NCDN: variants seen among roughly 807,000 people sequenced by gnomAD.
The protein encoded by NCDN is neurochondrin.
NCDN carries 9 observed loss-of-function variants against 60.7 expected under a neutral mutation model. The ratio of observed to expected loss-of-function variants is 0.15; its 90% CI spans 0.09 to 0.26. NCDN has a LOEUF of 0.26. Ranked by LOEUF, NCDN falls within the 10% of genes least tolerant of loss-of-function variation. The pLI, the probability that NCDN is intolerant of heterozygous loss-of-function variation, is 1.00. For synonymous variants in NCDN, 409 were observed against 442.5 expected, an observed-to-expected ratio of 0.92 and a Z score of 0.95; for missense variants, 578 against 975.2, an observed-to-expected ratio of 0.59 and a Z score of 5.42.
At position 35,560,551 on chromosome 1, in the gene NCDN, A is replaced by T; in HGVS notation, c.400A>T (p.Ser134Cys). 1 of 1,613,750 alleles carries T rather than the reference A, an allele frequency of 6.2e-7. No homozygotes were observed. The highest frequency in any genetic ancestry group is 8.5e-7 in the Non-Finnish European group (1 of 1,180,034). The change falls in exon 3 of 7, where the codon AGC (serine) becomes TGC (cysteine). Residue 134 changes from serine to cysteine, a missense_variant. Coordinates refer to ENST00000373243, the MANE Select transcript of NCDN (RefSeq NM_014284.3). The surrounding 1 kb of genome is among the most constrained non-coding windows in gnomAD (Gnocchi z 7.6). ...AGTCCTGAACAAGATTCCCATTCTT[A>T]GCACCTTCCTCACAGCCCGGGGGGA... ...PQVLNKIPIL[S>C]TFLTARGDPD...
chr1:35,566,097 C>A lies in NCDN; in HGVS notation c.*434C>A, dbSNP rs908562204. 7.9e-5 allele frequency: 15 copies of A among 189,812 alleles called. No individual in the cohort carries two copies. Among genetic ancestry groups the A allele is most frequent in the Non-Finnish European group, 1.5e-4 (14 of 91,316 alleles). 11.8% of individuals were successfully genotyped at this position (189,812 alleles called of 1,614,324 possible). ...GGCTGTGGTGCCTCCTCTGGCCCCC[C>A]AGGTCCACGTCCTTTAAATTGGCCC... On this transcript the variant is annotated 3_prime_UTR_variant, in exon 7 of 7. Coordinates refer to ENST00000373243, the MANE Select transcript of NCDN (RefSeq NM_014284.3). The surrounding 1 kb of genome is among the most constrained non-coding windows in gnomAD (Gnocchi z 5.3).
intron 6 of NCDN, among the ~76,000 whole-genome samples, chr1:35,564,765 C>T (rs1472143534): frequency 6.6e-6 from 1 of 152,174 alleles, no homozygotes; most frequent in Non-Finnish European, 1.5e-5. Context: ...AGGGTCACCC[C>T]TTGAACAGCC....
In NCDN at chr1:35,558,803, C is replaced by A; in HGVS notation, c.34-304C>A. The A allele has an allele frequency of 1.2e-6, 1 of 869,330 alleles. No homozygotes were observed. The highest frequency in any genetic ancestry group is 1.5e-6 in the Non-Finnish European group (1 of 645,204). The allele number at this position is 869,330 out of a possible 1,614,324, so 53.9% of individuals were successfully genotyped here. ...ACAGCTGAGCAGTGGGGCCAGCTCC[C>A]GCCCACCCCCAGGAGACTGGTGAGG... On this transcript the variant is annotated intron_variant, in intron 1 of 6. Coordinates refer to ENST00000373243, the MANE Select transcript of NCDN (RefSeq NM_014284.3). This position sits in a 1 kb window ranked among gnomAD's most constrained non-coding sequence, Gnocchi z 6.3.
chr1:35,559,063 T>TCCCCCCC, intron 1 of NCDN, 44 bp from the exon 2 acceptor site: 2 of 401,654 alleles, frequency 5.0e-6, no homozygotes, highest in Non-Finnish European at 8.0e-6. Flanking sequence ...CCCACCCCCG[T>TCCCCCCC]CCCTCCTCTG....
chr1:35,566,651 ACACAC>A lies in NCDN; in HGVS notation c.*989_*993del. The A allele has an allele frequency of 2.5e-6, 1 of 399,856 alleles. No homozygotes were observed. Among genetic ancestry groups the A allele is most frequent in the Non-Finnish European group, 5.0e-6 (1 of 198,486 alleles). The allele number at this position is 399,856 out of a possible 1,614,324, so 24.8% of individuals were successfully genotyped here. A position where few individuals can be genotyped will look rare whatever the true frequency, so the allele number is the denominator to read the frequency against. ...GGACCACACACACACACACACACAC[ACACAC>A]ACACACACACACACACACACACACT... is the stretch of plus-strand genomic sequence containing the variant. On this transcript the variant is annotated 3_prime_UTR_variant, in exon 7 of 7. Coordinates refer to ENST00000373243, the MANE Select transcript of NCDN (RefSeq NM_014284.3). This position sits in a 1 kb window ranked among gnomAD's most constrained non-coding sequence, Gnocchi z 5.3.
rs779835266 is a variant in NCDN, at chr1:35,563,843, C to CT, written c.1688dup (p.Leu564AlafsTer5). 4.3e-6 allele frequency: 7 copies of CT among 1,614,036 alleles called. No homozygotes were observed. The highest frequency in any genetic ancestry group is 5.9e-6 in the Non-Finnish European group (7 of 1,180,042). On this transcript the variant is annotated frameshift_variant, in exon 6 of 7. Transcript: ENST00000373243. LOFTEE classifies it high-confidence loss of function. This position sits in a 1 kb window ranked among gnomAD's most constrained non-coding sequence, Gnocchi z 6.6. The stretch of plus-strand genomic sequence containing the variant: ...AGCACTAGTGCAGCAACAGGGAAGG[C>CT]TGCTTCTGGCTGCTAATGTGGCCAC...
In NCDN at chr1:35,563,220, G is replaced by C; in HGVS notation, c.1404G>C (p.Trp468Cys). 6.2e-7 allele frequency: 1 copy of C among 1,613,388 alleles called. No homozygotes were observed. Among genetic ancestry groups the C allele is most frequent in the South Asian group, 1.1e-5 (1 of 91,066 alleles). ...GDALRLLLPG[W>C]CHLTVEDGPR... ...TCCCCAGGCTCCTCCTGCCTGGCTG[G>C]TGCCACCTGACCGTTGAAGATGGGC... Residue 468 changes from tryptophan (W) to cysteine (C), a missense_variant, in exon 5 of 7, where the codon TGG becomes TGC. Transcript: ENST00000373243. The surrounding 1 kb of genome is among the most constrained non-coding windows in gnomAD (Gnocchi z 6.6).
chr1:35,560,738 T>C lies in NCDN; in HGVS notation c.587T>C (p.Leu196Pro). 6.2e-7 allele frequency: 1 copy of C among 1,612,388 alleles called. No homozygotes were observed. Among genetic ancestry groups the C allele is most frequent in the African/African-American group, 1.3e-5 (1 of 75,046 alleles). The change falls in exon 3 of 7, where the codon CTG becomes CCG. Residue 196 changes from leucine to proline, a missense_variant. Transcript: ENST00000373243. The surrounding 1 kb of genome is among the most constrained non-coding windows in gnomAD (Gnocchi z 7.6). ...CACGGCTATGGCTTTGACCAGGCCCTGGCACTCCTGGTGGGGCTGCTGGCT... is the reference window on the plus strand; with the variant it reads ...CACGGCTATGGCTTTGACCAGGCCCCGGCACTCCTGGTGGGGCTGCTGGCT... Reference protein sequence around the residue: ...LGHGYGFDQALALLVGLLAAA... With the variant: ...LGHGYGFDQAPALLVGLLAAA...
At chr1:35,564,779 A>G (rs1648818540) in intron 6 of NCDN, among the ~76,000 whole-genome samples, 1 of 152,124 alleles carries the variant, frequency 6.6e-6, no homozygotes. Flanking sequence ...AACAGCCAGT[A>G]AGCAAAGCAG....
chr1:35,566,629 C>CCACACACACA lies in NCDN; in HGVS notation c.*1008_*1017dup, dbSNP rs56974171. 1.7e-3 allele frequency: 452 copies of CCACACACACA among 270,416 alleles called. 1 individual carries two copies. The highest frequency in any genetic ancestry group is 2.6e-3 in the African/African-American group (102 of 39,214). The allele number at this position is 270,416 out of a possible 1,614,324, so 16.8% of individuals were successfully genotyped here. ...TACCTTTCTTATAAACCCAGGGGGA[C>CCACACACACA]CACACACACACACACACACACACAC... On this transcript the variant is annotated 3_prime_UTR_variant, in exon 7 of 7. Transcript: ENST00000373243. The surrounding 1 kb of genome is among the most constrained non-coding windows in gnomAD (Gnocchi z 5.3).
At position 35,558,417 on chromosome 1, in the gene NCDN, T is replaced by G; in HGVS notation, c.33+194T>G. On this transcript the variant is annotated intron_variant, in intron 1 of 6. Coordinates refer to ENST00000373243, the MANE Select transcript of NCDN (RefSeq NM_014284.3). The surrounding 1 kb of genome is among the most constrained non-coding windows in gnomAD (Gnocchi z 6.3). The stretch of plus-strand genomic sequence containing the variant: ...GAGAAGAGGGAGCGCAAGGGGTTAA[T>G]TCTGCTGCTGCCGCCGCCGCTGCTG... 1 of 1,452,864 alleles carries G rather than the reference T, an allele frequency of 6.9e-7. No homozygotes were observed. The highest frequency in any genetic ancestry group is 9.0e-7 in the Non-Finnish European group (1 of 1,108,048). 90.0% of individuals were successfully genotyped at this position (1,452,864 alleles called of 1,614,324 possible). A position where few individuals can be genotyped will look rare whatever the true frequency, so the allele number is the denominator to read the frequency against.
At chr1:35,564,548 C>T (rs1219617172) in intron 6 of NCDN, among the ~76,000 whole-genome samples, 1 of 152,226 alleles carries the variant, frequency 6.6e-6, no homozygotes, top group Non-Finnish European at 1.5e-5. Flanking sequence ...CCGTACCTTC[C>T]ACTGCCTCTG....
At position 35,560,869 on chromosome 1, in the gene NCDN, C is replaced by T; in HGVS notation, c.718C>T (p.Leu240Phe). Residue 240 changes from leucine to phenylalanine, a missense_variant, in exon 3 of 7, where the codon CTC (leucine) becomes TTC (phenylalanine). By Grantham distance (22) the Leu-to-Phe change is conservative. Around this residue, in one of 3 missense-constraint regions of NCDN, gnomAD observed 363 missense variants for 583.6 expected, o/e 0.62. Coordinates refer to ENST00000373243, the MANE Select transcript of NCDN (RefSeq NM_014284.3). This position sits in a 1 kb window ranked among gnomAD's most constrained non-coding sequence, Gnocchi z 7.6. The part of the protein sequence containing the change: ...QKAEDASKFE[L>F]CQLLPLFLPP... The stretch of plus-strand genomic sequence containing the variant: ...AGCTGAGGATGCCAGCAAGTTTGAG[C>T]TCTGCCAGCTGCTGCCCCTCTTTTT... 1 of 1,614,200 alleles carries T rather than the reference C, an allele frequency of 6.2e-7. No individual in the cohort carries two copies. The highest frequency in any genetic ancestry group is 8.5e-7 in the Non-Finnish European group (1 of 1,180,022).
chr1:35,558,794 G>A lies in NCDN; in HGVS notation c.34-313G>A. 3.4e-6 allele frequency: 3 copies of A among 893,388 alleles called. No individual in the cohort carries two copies. Among genetic ancestry groups the A allele is most frequent in the Non-Finnish European group, 4.5e-6 (3 of 670,850 alleles). 55.3% of individuals were successfully genotyped at this position (893,388 alleles called of 1,614,324 possible). On this transcript the variant is annotated intron_variant, in intron 1 of 6. Coordinates refer to ENST00000373243, the MANE Select transcript of NCDN (RefSeq NM_014284.3). This position sits in a 1 kb window ranked among gnomAD's most constrained non-coding sequence, Gnocchi z 6.3. ...GCCAGGGGGACAGCTGAGCAGTGGG[G>A]CCAGCTCCCGCCCACCCCCAGGAGA...
At position 35,559,168 on chromosome 1, in the gene NCDN, G is replaced by A. The variant is rs761426994; in HGVS notation, c.95G>A (p.Arg32Gln). 2.5e-6 allele frequency: 4 copies of A among 1,613,814 alleles called. No homozygotes were observed. Among genetic ancestry groups the A allele is most frequent in the Non-Finnish European group, 2.5e-6 (3 of 1,179,966 alleles). The change falls in exon 2 of 7, where the codon CGA becomes CAA. Residue 32 changes from arginine to glutamine, a missense_variant. Around this residue, in one of 3 missense-constraint regions of NCDN, gnomAD observed 363 missense variants for 583.6 expected, o/e 0.62. Coordinates refer to ENST00000373243, the MANE Select transcript of NCDN (RefSeq NM_014284.3). ...CEPALNQAEGRNPTLERYLGA... is the reference protein window; with the variant it reads ...CEPALNQAEGQNPTLERYLGA... ...CCAGCTCTGAACCAGGCAGAGGGCCGAAACCCCACCCTGGAGCGCTACCTG... is the reference window on the plus strand; with the variant it reads ...CCAGCTCTGAACCAGGCAGAGGGCCAAAACCCCACCCTGGAGCGCTACCTG...
chr1:35,564,697 T>A (rs1486888955), intron 6 of NCDN, among the ~76,000 whole-genome samples: 4 of 152,220 alleles, frequency 2.6e-5, no homozygotes, highest in Non-Finnish European at 5.9e-5. Context: ...CAGTTCTGGC[T>A]CACCCTCAAA....
rs1264105071 is a variant in NCDN, at chr1:35,561,980, A to G, written c.1144-412A>G. Among the ~76,000 whole-genome samples, 1 of 152,244 alleles carries G rather than the reference A, an allele frequency of 6.6e-6. No individual in the cohort carries two copies. The highest frequency in any genetic ancestry group is 1.9e-4 in the East Asian group (1 of 5,200). On this transcript the variant is annotated intron_variant, in intron 3 of 6. Coordinates refer to ENST00000373243, the MANE Select transcript of NCDN (RefSeq NM_014284.3). The surrounding 1 kb of genome is among the most constrained non-coding windows in gnomAD (Gnocchi z 4.9). ...CCACCATTGGGAGCAGTTACACAGT[A>G]GCCAGGAACCTGCCCTCCCACCCCA...
In NCDN at chr1:35,558,272, C is replaced by G. The variant is rs745741539; in HGVS notation, c.33+49C>G. ...TCCCCTTCTCATCTCCCCATCTCAG[C>G]AGCCCTGCTTCGATTATCCGGCTTT... On this transcript the variant is annotated intron_variant, in intron 1 of 6. Coordinates refer to ENST00000373243, the MANE Select transcript of NCDN (RefSeq NM_014284.3). This position sits in a 1 kb window ranked among gnomAD's most constrained non-coding sequence, Gnocchi z 6.3. The G allele has an allele frequency of 4.3e-6, 7 of 1,612,960 alleles. No individual in the cohort carries two copies. In the Admixed American group the frequency reaches 1.2e-4, roughly 27 times the overall value.
chr1:35,562,437 C>T lies in NCDN; in HGVS notation c.1189C>T (p.Arg397Trp), dbSNP rs1229198411. Residue 397 changes from arginine to tryptophan, a missense_variant, in exon 4 of 7, where the codon CGG becomes TGG. Around this residue, in one of 3 missense-constraint regions of NCDN, gnomAD observed 363 missense variants for 583.6 expected, o/e 0.62. Coordinates refer to ENST00000373243, the MANE Select transcript of NCDN (RefSeq NM_014284.3). The surrounding 1 kb of genome is among the most constrained non-coding windows in gnomAD (Gnocchi z 6.8). The stretch of plus-strand genomic sequence containing the variant: ...GGAGCCCTTTGTGTTTGCCTCGGTG[C>T]GGATCCTGGGTGCCTGGCTGGCCGA... ...QKEPFVFASV[R>W]ILGAWLAEET... 3.1e-6 allele frequency: 5 copies of T among 1,614,146 alleles called. No individual in the cohort carries two copies. The highest frequency in any genetic ancestry group is 1.6e-4 in the Middle Eastern group (1 of 6,062).
Sources: gnomAD v4.1 joint callset for allele counts (sites outside exome capture counted in the v4.1 genomes callset) on GRCh38, gnomAD v4.1.1 for gene constraint, gnomAD v4.1.1 regional missense constraint, Gnocchi (gnomAD v3.1) non-coding constraint, MANE v1.5 for transcripts, NCBI Gene and HGNC (gene_info 2026-07-23, HGNC 2026-07-21) for gene names.